Variants in DRC11 observed in about 807,000 individuals in gnomAD.
The protein encoded by DRC11 is IQ and AAA domain-containing protein 1.
chr2:236,357,498 T>C, the DRC11 span, among the ~76,000 whole-genome samples: 1 of 127,542 alleles, frequency 7.8e-6, no homozygotes, highest in African/African-American at 3.1e-5. Flanking sequence ...TATAAATACA[T>C]ATTTACATAT....
the DRC11 span, among the ~76,000 whole-genome samples, chr2:236,357,224 A>T: frequency 8.5e-6 from 1 of 117,546 alleles, no homozygotes. Context: ...GTATATATCT[A>T]TTATAAATGT....
chr2:236,485,345 G>C, the DRC11 span, among the ~76,000 whole-genome samples: 1 of 151,294 alleles, frequency 6.6e-6, no homozygotes, highest in African/African-American at 2.4e-5. Flanking sequence ...TTCTTTTCTT[G>C]ATTAGCCTCA....
chr2:236,447,923 G>C, the DRC11 span, among the ~76,000 whole-genome samples: 15 of 152,150 alleles, frequency 9.9e-5, no homozygotes, highest in African/African-American at 3.6e-4. The surrounding 1 kb of genome is among the most constrained non-coding windows in gnomAD (Gnocchi z 4.6). Flanking sequence ...TGACATTGTA[G>C]CACATGCTGC....
the DRC11 span, among the ~76,000 whole-genome samples, chr2:236,420,736 G>C: frequency 6.6e-5 from 10 of 152,244 alleles, no homozygotes; most frequent in East Asian, 1.9e-3. This position sits in a 1 kb window ranked among gnomAD's most constrained non-coding sequence, Gnocchi z 4.8. Flanking sequence ...CCTGAGCCTG[G>C]AAGGTAGAGG....
chr2:236,444,933 G>C, the DRC11 span, among the ~76,000 whole-genome samples: 1 of 152,210 alleles, frequency 6.6e-6, no homozygotes, highest in African/African-American at 2.4e-5. Flanking sequence ...TTGGGCCCCA[G>C]GTGGTGCCTG....
chr2:236,346,356 T>A, the DRC11 span, among the ~76,000 whole-genome samples: 1 of 152,188 alleles, frequency 6.6e-6, no homozygotes, highest in East Asian at 1.9e-4. Flanking sequence ...ATCTGAACCC[T>A]ATGAAGCAGA....
At chr2:236,503,750 C>G in the DRC11 span, 3 of 1,496,930 alleles carry the variant, frequency 2.0e-6, no homozygotes, top group African/African-American at 1.4e-5. The surrounding 1 kb of genome is among the most constrained non-coding windows in gnomAD (Gnocchi z 4.9). Context: ...GACCACACCC[C>G]CTCCCACACT....
At chr2:236,438,497 G>T in the DRC11 span, among the ~76,000 whole-genome samples, 6 of 151,172 alleles carry the variant, frequency 4.0e-5, no homozygotes, top group African/African-American at 1.5e-4. Context: ...TTGGTAGCTT[G>T]ATGGGGATGG....
At chr2:236,359,213 C>T in the DRC11 span, among the ~76,000 whole-genome samples, 1 of 151,620 alleles carries the variant, frequency 6.6e-6, no homozygotes, top group Non-Finnish European at 1.5e-5. The surrounding 1 kb of genome is among the most constrained non-coding windows in gnomAD (Gnocchi z 4.3). Context: ...ATATAGTAGA[C>T]TATATATACT....
At chr2:236,502,345 G>C in the DRC11 span, among the ~76,000 whole-genome samples, 1 of 151,948 alleles carries the variant, frequency 6.6e-6, no homozygotes, top group Non-Finnish European at 1.5e-5. Context: ...GGGTGACTGA[G>C]GTGGGTGGAT....
At chr2:236,366,819 T>C in the DRC11 span, among the ~76,000 whole-genome samples, 8 of 100,632 alleles carry the variant, frequency 7.9e-5, no homozygotes, top group African/African-American at 2.0e-4. Context: ...CTCCTCTCTC[T>C]CTTTCTCTCT....
chr2:236,393,984 AATAT>A, the DRC11 span, among the ~76,000 whole-genome samples: 1 of 152,206 alleles, frequency 6.6e-6, no homozygotes, highest in Non-Finnish European at 1.5e-5. The surrounding 1 kb of genome is among the most constrained non-coding windows in gnomAD (Gnocchi z 4.7). Flanking sequence ...AATGGAATAA[AATAT>A]ATAAAGTTGT....
At chr2:236,421,387 G>A in the DRC11 span, among the ~76,000 whole-genome samples, 2 of 152,052 alleles carry the variant, frequency 1.3e-5, no homozygotes, top group Admixed American at 1.3e-4. Flanking sequence ...TATCACCACC[G>A]ACCCCACAGA....
chr2:236,400,900 AGGCTTTCCTGG>A, the DRC11 span, among the ~76,000 whole-genome samples: 1 of 152,080 alleles, frequency 6.6e-6, no homozygotes, highest in Non-Finnish European at 1.5e-5. The surrounding 1 kb of genome is among the most constrained non-coding windows in gnomAD (Gnocchi z 7.9). Context: ...TCTGCCGTGG[AGGCTTTCCTGG>A]GGTCTCCCTG....
At chr2:236,459,636 C>T in the DRC11 span, among the ~76,000 whole-genome samples, 2 of 132,938 alleles carry the variant, frequency 1.5e-5, no homozygotes, top group East Asian at 2.0e-4. Flanking sequence ...TACGTATATA[C>T]GTATATACGT....
At chr2:236,335,074 C>G in the DRC11 span, among the ~76,000 whole-genome samples, 2 of 152,280 alleles carry the variant, frequency 1.3e-5, no homozygotes, top group Admixed American at 6.5e-5. This position sits in a 1 kb window ranked among gnomAD's most constrained non-coding sequence, Gnocchi z 5.6. Flanking sequence ...CAAATCCACC[C>G]TTCACTTTTC....
the DRC11 span, among the ~76,000 whole-genome samples, chr2:236,383,334 T>G: frequency 1.3e-5 from 2 of 152,206 alleles, no homozygotes; most frequent in African/African-American, 4.8e-5. Context: ...AAATCTCATC[T>G]TTTTCTTAGT....
chr2:236,351,931 G>A, the DRC11 span, among the ~76,000 whole-genome samples: 1 of 152,160 alleles, frequency 6.6e-6, no homozygotes, highest in Non-Finnish European at 1.5e-5. This position sits in a 1 kb window ranked among gnomAD's most constrained non-coding sequence, Gnocchi z 7.3. Flanking sequence ...AGGGCTGCTG[G>A]GGCCAGAGAA....
At chr2:236,459,512 CGTATACATGTATACATGT>C in the DRC11 span, among the ~76,000 whole-genome samples, 2 of 89,882 alleles carry the variant, frequency 2.2e-5, no homozygotes, top group South Asian at 3.1e-4. Flanking sequence ...TATACGTATA[CGTATACATGTATACATGT>C]ATACGTATAC....
Sources: allele counts gnomAD v4.1 joint callset (sites outside exome capture counted in the v4.1 genomes callset), GRCh38; gene constraint gnomAD v4.1.1; non-coding constraint Gnocchi (gnomAD v3.1); transcripts MANE v1.5; gene names NCBI Gene and HGNC (gene_info 2026-07-23, HGNC 2026-07-21).